The following ACOT7 variants were observed in gnomAD, a reference collection of about 807,000 sequenced individuals.
ACOT7 encodes the protein acyl-CoA thioesterase 7, also known as cytosolic acyl coenzyme A thioester hydrolase.
Under a neutral mutation model 40.2 loss-of-function variants are expected in ACOT7, and 12 were observed. That is an observed-to-expected ratio of 0.30 (90% CI 0.19 to 0.48). The LOEUF (loss-of-function observed/expected upper bound fraction) is 0.48. Ranked by LOEUF, ACOT7 falls within the 20% of genes least tolerant of loss-of-function variation. The probability of loss-of-function intolerance (pLI) is 0.99; values close to 1 mark genes in which losing one functional copy is unlikely to be tolerated. For missense variants in ACOT7, 395 were observed against 530.8 expected (o/e 0.74, Z 2.51); for synonymous variants, 228 against 219.5 (o/e 1.04, Z -0.34).
intron 6 of ACOT7, chr1:6,295,627 A>T (rs1046209222): frequency 3.3e-5 from 5 of 152,304 alleles, no homozygotes; most frequent in African/African-American, 4.8e-5. Flanking sequence ...CTGCACTAGG[A>T]ATGAAGCTTG....
At chr1:6,365,905 T>A (rs1173911225) in intron 1 of ACOT7, among the ~76,000 whole-genome samples, 1 of 151,970 alleles carries the variant, frequency 6.6e-6, no homozygotes, top group African/African-American at 2.4e-5. Flanking sequence ...GGGGTTTATT[T>A]TTTTTTTTTG....
Position 6,358,865 on chromosome 1 carries a change from G to A in ACOT7, c.144-8999C>T, listed in dbSNP as rs1557666811. On this transcript the variant is annotated intron_variant, in intron 1 of 8. Transcript: ENST00000361521. The surrounding 1 kb of genome is among the most constrained non-coding windows in gnomAD (Gnocchi z 4.1). The stretch of plus-strand genomic sequence containing the variant: ...AGCCATGGTGGCTAGGACATCCCAG[G>A]ATCAGATGCAGAGAAAGGCGAGGGA... The A allele has an allele frequency of 1.2e-6, 2 of 1,613,736 alleles. No homozygotes were observed. Among genetic ancestry groups the A allele is most frequent in the Non-Finnish European group, 1.7e-6 (2 of 1,179,800 alleles).
intron 8 of ACOT7, among the ~76,000 whole-genome samples, chr1:6,273,927 C>T (rs564167342): frequency 1.3e-5 from 2 of 152,224 alleles, no homozygotes; most frequent in African/African-American, 2.4e-5. Context: ...GGCCCTGCCC[C>T]GTGACAAAGG....
In ACOT7 at chr1:6,294,179, T is replaced by A. The variant is rs1001561224; in HGVS notation, c.829+685A>T. On this transcript the variant is annotated intron_variant, in intron 7 of 8. Coordinates refer to ENST00000361521, the MANE Select transcript of ACOT7 (RefSeq NM_007274.4). This position sits in a 1 kb window ranked among gnomAD's most constrained non-coding sequence, Gnocchi z 4.6. ...CTGCTGCAGGGGGTGCACGGCCTCA[T>A]CTCAGCAGACGTCACACTGACAAAA... is the stretch of plus-strand genomic sequence containing the variant. Among the ~76,000 whole-genome samples, 1 of 152,228 alleles carries A rather than the reference T, an allele frequency of 6.6e-6. No homozygotes were observed. Among genetic ancestry groups the A allele is most frequent in the African/African-American group, 2.4e-5 (1 of 41,458 alleles).
rs1209771216 is a variant in ACOT7 at position 6,393,392 on chromosome 1, C to A, written c.8G>T (p.Arg3Leu). 2.4e-6 allele frequency: 3 copies of A among 1,230,142 alleles called. No homozygotes were observed. Among genetic ancestry groups the A allele is most frequent in the Non-Finnish European group, 2.0e-6 (2 of 983,106 alleles). 76.2% of individuals were successfully genotyped at this position (1,230,142 alleles called of 1,614,324 possible). A position where few individuals can be genotyped will look rare whatever the true frequency, so the allele number is the denominator to read the frequency against. Residue 3 changes from arginine to leucine, a missense_variant, in exon 1 of 9, where the codon CGG becomes CTG. Transcript: ENST00000361521. Reference protein sequence around the residue: MARPGLIHSAPGL... With the variant: MALPGLIHSAPGL... ...CGGCGCGGAATGAATGAGCCCGGGC[C>A]GCGCCATAAAGGGGGAGGGCAGAGG...
At chr1:6,323,771 G>C (rs1296402885) in intron 5 of ACOT7, among the ~76,000 whole-genome samples, 2 of 75,936 alleles carry the variant, frequency 2.6e-5, no homozygotes, top group Non-Finnish European at 6.2e-5. Flanking sequence ...TATATATATA[G>C]ACAAATTATA....
Position 6,328,630 on chromosome 1 carries a change from C to T in ACOT7, c.511-1217G>A, listed in dbSNP as rs560933625. On this transcript the variant is annotated intron_variant, in intron 4 of 8. Coordinates refer to ENST00000361521, the MANE Select transcript of ACOT7 (RefSeq NM_007274.4). ...CCGGGAGATGGAGGTTGCAGTGAGC[C>T]GAGATTGCGCCACTGCACTCCAGCC... Among the ~76,000 whole-genome samples the T allele has an allele frequency of 3.9e-5, 6 of 152,142 alleles. No homozygotes were observed. The East Asian group carries it at 1.2e-3, about 29-fold the overall frequency.
Position 6,359,033 on chromosome 1 carries a change from G to T in ACOT7, c.144-9167C>A. On this transcript the variant is annotated intron_variant, in intron 1 of 8. Coordinates refer to ENST00000361521, the MANE Select transcript of ACOT7 (RefSeq NM_007274.4). The surrounding 1 kb of genome is among the most constrained non-coding windows in gnomAD (Gnocchi z 4.1). ...GAAGAGGCTGCCTCGCCAATCCAGAGCGTCTACCAGAAACCGGTCGTCATG... is the reference window on the plus strand; with the variant it reads ...GAAGAGGCTGCCTCGCCAATCCAGATCGTCTACCAGAAACCGGTCGTCATG... The T allele has an allele frequency of 2.3e-6, 2 of 881,632 alleles. No homozygotes were observed. Among genetic ancestry groups the T allele is most frequent in the South Asian group, 4.3e-5 (2 of 46,016 alleles). The allele number at this position is 881,632 out of a possible 1,614,324, so 54.6% of individuals were successfully genotyped here.
chr1:6,347,825 G>C (rs1641475139), intron 2 of ACOT7, among the ~76,000 whole-genome samples: 1 of 151,870 alleles, frequency 6.6e-6, no homozygotes, highest in African/African-American at 2.4e-5. Context: ...AGGATTCCAT[G>C]AGCTAAACTT....
At position 6,289,561 on chromosome 1, in the gene ACOT7, A is replaced by G. The variant is rs963722095; in HGVS notation, c.829+5303T>C. On this transcript the variant is annotated intron_variant, in intron 7 of 8. Transcript: ENST00000361521. The surrounding 1 kb of genome is among the most constrained non-coding windows in gnomAD (Gnocchi z 4.6). The stretch of plus-strand genomic sequence containing the variant: ...AGATAATTTTTAAATTTTTGTAGAG[A>G]TGGGGCCTCACCATGTTGCCCAGGC... 1.1e-4 allele frequency among the ~76,000 whole-genome samples: 17 copies of G among 151,896 alleles called. No homozygotes were observed. Among genetic ancestry groups the G allele is most frequent in the African/African-American group, 4.1e-4 (17 of 41,296 alleles).
chr1:6,305,655 A>G (rs1423415615), intron 6 of ACOT7, among the ~76,000 whole-genome samples: 1 of 149,606 alleles, frequency 6.7e-6, no homozygotes, highest in African/African-American at 2.5e-5. Flanking sequence ...GACGCTCCTC[A>G]CTTCCTAGAT....
At chr1:6,354,617 G>A (rs1438980323) in intron 1 of ACOT7, among the ~76,000 whole-genome samples, 1 of 150,384 alleles carries the variant, frequency 6.6e-6, no homozygotes, top group Non-Finnish European at 1.5e-5. Flanking sequence ...CCTCTGCACT[G>A]GCCTCTCACT....
chr1:6,303,294 T>C (rs1640021096), intron 6 of ACOT7, among the ~76,000 whole-genome samples: 1 of 152,114 alleles, frequency 6.6e-6, no homozygotes, highest in South Asian at 2.1e-4. Context: ...GGACCCGCCG[T>C]CCTTGGAGCT....
In ACOT7 at chr1:6,301,996, C is replaced by G. The variant is rs1279959190; in HGVS notation, c.713-7016G>C. On this transcript the variant is annotated intron_variant, in intron 6 of 8. Transcript: ENST00000361521. The surrounding 1 kb of genome is among the most constrained non-coding windows in gnomAD (Gnocchi z 4.1). The stretch of plus-strand genomic sequence containing the variant: ...ATACTAACGATGGAAAAGGCCAAGA[C>G]TGGTGGATGGAGTCAGTGCTATTCT... Among the ~76,000 whole-genome samples the G allele has an allele frequency of 6.6e-6, 1 of 152,232 alleles. No individual in the cohort carries two copies. Among genetic ancestry groups the G allele is most frequent in the Non-Finnish European group, 1.5e-5 (1 of 68,046 alleles).
At chr1:6,281,322 C>T (rs754104045) in intron 7 of ACOT7, 36 bp from the exon 8 acceptor site, 1 of 1,588,650 alleles carries the variant, frequency 6.3e-7, no homozygotes, top group Admixed American at 1.7e-5. Flanking sequence ...AGGGCGGCCT[C>T]CACCCCACGG....
chr1:6,319,558 A>G (rs966886380), intron 5 of ACOT7, among the ~76,000 whole-genome samples: 2 of 152,216 alleles, frequency 1.3e-5, no homozygotes, highest in Non-Finnish European at 2.9e-5. Flanking sequence ...AGAAAATGGA[A>G]TTACCATGAG....
intron 5 of ACOT7, among the ~76,000 whole-genome samples, chr1:6,324,655 G>T (rs946081895): frequency 1.3e-5 from 2 of 152,022 alleles, no homozygotes; most frequent in African/African-American, 2.4e-5. Flanking sequence ...TCCAGAAACC[G>T]CTCACAAAAA....
At position 6,355,230 on chromosome 1, in the gene ACOT7, C is replaced by T. The variant is rs938433808; in HGVS notation, c.144-5364G>A. Among the ~76,000 whole-genome samples, 8 of 152,078 alleles carry T rather than the reference C, an allele frequency of 5.3e-5. No homozygotes were observed. The highest frequency in any genetic ancestry group is 1.7e-4 in the African/African-American group (7 of 41,406). ...CGAATACCCACTCACAGAGGGCACC[C>T]GGCACCACCCACCCAAACCCCAGAT... is the stretch of plus-strand genomic sequence containing the variant. On this transcript the variant is annotated intron_variant, in intron 1 of 8. Coordinates refer to ENST00000361521, the MANE Select transcript of ACOT7 (RefSeq NM_007274.4). This position sits in a 1 kb window ranked among gnomAD's most constrained non-coding sequence, Gnocchi z 5.0.
intron 1 of ACOT7, among the ~76,000 whole-genome samples, chr1:6,391,068 G>A (rs993279620): frequency 6.6e-6 from 1 of 151,980 alleles, no homozygotes; most frequent in Non-Finnish European, 1.5e-5. Context: ...GGCTGAGGCG[G>A]GAGGATCACC....
Sources: allele counts gnomAD v4.1 joint callset (sites outside exome capture counted in the v4.1 genomes callset), GRCh38; gene constraint gnomAD v4.1.1; non-coding constraint Gnocchi (gnomAD v3.1); transcripts MANE v1.5; gene names NCBI Gene and HGNC (gene_info 2026-07-23, HGNC 2026-07-21).